Variants in SYT1 observed in about 807,000 individuals in gnomAD.
The protein encoded by SYT1 is synaptotagmin 1, also known as synaptotagmin-1.
In SYT1, 8 loss-of-function variants were observed where a neutral mutation model predicts 44.8. That is an observed-to-expected ratio of 0.18 (90% CI 0.10 to 0.32). The LOEUF is 0.32. SYT1 is among the 10% of genes least tolerant of loss of function. The pLI is 1.00. For synonymous variants in SYT1, 154 were observed against 188.8 expected, an observed-to-expected ratio of 0.82 and a Z score of 1.51; for missense variants, 286 against 509.3, an observed-to-expected ratio of 0.56 and a Z score of 4.22.
At chr12:79,428,444 C>CT (rs1869576734) in intron 9 of SYT1, among the ~76,000 whole-genome samples, 1 of 152,160 alleles carries the variant, frequency 6.6e-6, no homozygotes, top group South Asian at 2.1e-4. Flanking sequence ...TTCACGAGGC[C>CT]TTTAAGTGTC....
At chr12:79,136,301 T>C (rs74901504) in intron 3 of SYT1, among the ~76,000 whole-genome samples, 1 of 152,298 alleles carries the variant, frequency 6.6e-6, no homozygotes, top group African/African-American at 2.4e-5. Flanking sequence ...ATAATTTAGT[T>C]ATCCCATTTT....
At chr12:79,421,992 GTGCT>G (rs1869151276) in intron 9 of SYT1, among the ~76,000 whole-genome samples, 1 of 151,856 alleles carries the variant, frequency 6.6e-6, no homozygotes, top group South Asian at 2.1e-4. Flanking sequence ...CTCATGTTAA[GTGCT>G]TTTGAACTCC....
chr12:78,931,179 A>G (rs1381111265), intron 1 of SYT1, among the ~76,000 whole-genome samples: 3 of 59,868 alleles, frequency 5.0e-5, no homozygotes, highest in Admixed American at 2.6e-4. Context: ...GAAAGAAAGA[A>G]AAAGAAAGAA....
chr12:79,358,539 T>C (rs1883198391), intron 9 of SYT1, among the ~76,000 whole-genome samples: 1 of 152,192 alleles, frequency 6.6e-6, no homozygotes, highest in African/African-American at 2.4e-5. Context: ...ACTATCTTCC[T>C]GCATGTGGCA....
intron 8 of SYT1, among the ~76,000 whole-genome samples, chr12:79,337,846 A>C (rs111746066): frequency 0.028 from 4,261 of 152,300 alleles, 71 homozygotes; most frequent in Middle Eastern, 0.048. Flanking sequence ...TGGTATCCAC[A>C]CTTACATTTA....
intron 9 of SYT1, among the ~76,000 whole-genome samples, chr12:79,382,774 C>T (rs531834355): frequency 6.6e-6 from 1 of 152,244 alleles, no homozygotes; most frequent in East Asian, 1.9e-4. Context: ...TTACGTGCTC[C>T]AAACGCTGAG....
chr12:79,048,811 A>G (rs889153310), intron 3 of SYT1, among the ~76,000 whole-genome samples: 1 of 151,906 alleles, frequency 6.6e-6, no homozygotes, highest in African/African-American at 2.4e-5. Flanking sequence ...CGTGAGTTAC[A>G]AGATATGAAA....
chr12:79,036,800 G>T (rs935902080), intron 2 of SYT1, among the ~76,000 whole-genome samples: 22 of 151,250 alleles, frequency 1.5e-4, no homozygotes, highest in African/African-American at 5.1e-4. Flanking sequence ...TTCATATCAG[G>T]CTATTCTCTT....
At chr12:79,060,993 G>A (rs1363617071) in intron 3 of SYT1, among the ~76,000 whole-genome samples, 1 of 151,978 alleles carries the variant, frequency 6.6e-6, no homozygotes, top group Non-Finnish European at 1.5e-5. Flanking sequence ...TTGATTATCT[G>A]TTTTGATACA....
At chr12:79,131,050 GC>G (rs1868780984) in intron 3 of SYT1, among the ~76,000 whole-genome samples, 1 of 151,452 alleles carries the variant, frequency 6.6e-6, no homozygotes, top group Non-Finnish European at 1.5e-5. Flanking sequence ...ACTTCTTTCT[GC>G]TACTCAATTT....
intron 9 of SYT1, among the ~76,000 whole-genome samples, chr12:79,378,803 A>G (rs1884103657): frequency 6.6e-6 from 1 of 152,182 alleles, no homozygotes; most frequent in African/African-American, 2.4e-5. Flanking sequence ...GAAACAACCT[A>G]AGGACCCTAC....
At chr12:79,289,713 G>C (rs188880217) in intron 5 of SYT1, among the ~76,000 whole-genome samples, 2 of 152,102 alleles carry the variant, frequency 1.3e-5, no homozygotes, top group Non-Finnish European at 2.9e-5. Context: ...TCAAACAGAA[G>C]TAGATGTTAA....
chr12:79,050,491 C>T (rs1874396973), intron 3 of SYT1, among the ~76,000 whole-genome samples: 1 of 152,024 alleles, frequency 6.6e-6, no homozygotes, highest in South Asian at 2.1e-4. Flanking sequence ...TAGTCTCCTC[C>T]TTGTAAACTC....
At chr12:79,329,177 C>A (rs547002347) in intron 8 of SYT1, among the ~76,000 whole-genome samples, 93 of 152,190 alleles carry the variant, frequency 6.1e-4, no homozygotes, top group African/African-American at 2.0e-3. Context: ...TCTGAAAGAC[C>A]CACTGGGTGA....
chr12:79,279,884 C>T (rs981360671), intron 4 of SYT1, among the ~76,000 whole-genome samples: 2 of 152,028 alleles, frequency 1.3e-5, no homozygotes, highest in African/African-American at 2.4e-5. Context: ...AACTCAATCC[C>T]ATTTATAATA....
chr12:79,435,169 C>A (rs1255273861), intron 9 of SYT1, among the ~76,000 whole-genome samples: 2 of 152,020 alleles, frequency 1.3e-5, no homozygotes, highest in African/African-American at 4.8e-5. Context: ...TCATTTGCAT[C>A]CATAAGAGGA....
chr12:79,218,489 T>C (rs917249206), intron 4 of SYT1, among the ~76,000 whole-genome samples: 1 of 152,194 alleles, frequency 6.6e-6, no homozygotes, highest in Non-Finnish European at 1.5e-5. Context: ...CCTCTGTAAC[T>C]GAAATGTATT....
intron 8 of SYT1, among the ~76,000 whole-genome samples, chr12:79,332,021 A>G (rs542518862): frequency 3.3e-5 from 5 of 152,276 alleles, no homozygotes; most frequent in Admixed American, 2.6e-4. Flanking sequence ...AGAATGCCTA[A>G]AGTTACAATT....
At chr12:78,989,477 G>T (rs1157262048) in intron 2 of SYT1, among the ~76,000 whole-genome samples, 1 of 151,940 alleles carries the variant, frequency 6.6e-6, no homozygotes, top group Non-Finnish European at 1.5e-5. Context: ...TCAGGGCCTA[G>T]CCCCCCCGTT....
Sources: gnomAD v4.1 joint callset for allele counts (sites outside exome capture counted in the v4.1 genomes callset) on GRCh38, gnomAD v4.1.1 for gene constraint, MANE v1.5 for transcripts, NCBI Gene and HGNC (gene_info 2026-07-23, HGNC 2026-07-21) for gene names.